The following KCNMA1 variants were observed in gnomAD, a reference collection of about 807,000 sequenced individuals.
The protein encoded by KCNMA1 is potassium calcium-activated channel subfamily M alpha 1.
In KCNMA1, 29 loss-of-function variants were observed where a neutral mutation model predicts 140.0. That is an observed-to-expected ratio of 0.21 (90% CI 0.15 to 0.28). The LOEUF is 0.28. Among genes scored for constraint, KCNMA1 ranks in the 10% least tolerant of loss-of-function variants. KCNMA1 has a pLI of 1.00. For synonymous variants in KCNMA1, 612 were observed against 611.9 expected, an observed-to-expected ratio of 1.00 and a Z score of 0.00; for missense variants, 880 against 1,602.2, an observed-to-expected ratio of 0.55 and a Z score of 7.70.
chr10:77,474,540 C>T (rs1342220566), intron 1 of KCNMA1, among the ~76,000 whole-genome samples: 2 of 152,128 alleles, frequency 1.3e-5, no homozygotes, highest in South Asian at 2.1e-4. Flanking sequence ...AGGTAACTGT[C>T]GGTTGTGTGA....
chr10:77,448,051 AT>A (rs1444250640), intron 1 of KCNMA1, among the ~76,000 whole-genome samples: 1 of 152,154 alleles, frequency 6.6e-6, no homozygotes, highest in Non-Finnish European at 1.5e-5. Context: ...CCAAGCTGGG[AT>A]TTCTCTCAAC....
chr10:76,958,805 GA>G (rs2069552718), intron 20 of KCNMA1, among the ~76,000 whole-genome samples: 1 of 152,160 alleles, frequency 6.6e-6, no homozygotes, highest in Non-Finnish European at 1.5e-5. Flanking sequence ...CTAGCCACCA[GA>G]ACTGTGAGAA....
intron 24 of KCNMA1, chr10:76,912,784 G>A (rs1257172866): frequency 1.3e-5 from 2 of 152,300 alleles, no homozygotes; most frequent in Non-Finnish European, 1.5e-5. Flanking sequence ...TGCTGCTGTA[G>A]GTTTGTGAGA....
At chr10:77,188,703 C>G (rs899687220) in intron 3 of KCNMA1, among the ~76,000 whole-genome samples, 5 of 152,210 alleles carry the variant, frequency 3.3e-5, no homozygotes, top group African/African-American at 1.2e-4. Context: ...AAATGTTTCT[C>G]TTTCCTCATC....
At chr10:77,217,487 C>A (rs1465465388) in intron 3 of KCNMA1, 3 of 456,632 alleles carry the variant, frequency 6.6e-6, no homozygotes, top group South Asian at 3.1e-5. Context: ...CAGTACATTT[C>A]TGGAGAATAT....
chr10:77,571,904 C>A (rs1342864232), intron 1 of KCNMA1, among the ~76,000 whole-genome samples: 1 of 152,160 alleles, frequency 6.6e-6, no homozygotes, highest in Non-Finnish European at 1.5e-5. Flanking sequence ...GCTTTCAAAA[C>A]TTTGAAATGT....
chr10:77,598,640 T>C (rs2081638853), intron 1 of KCNMA1, among the ~76,000 whole-genome samples: 1 of 152,194 alleles, frequency 6.6e-6, no homozygotes, highest in Non-Finnish European at 1.5e-5. Flanking sequence ...AAAGCAAAGA[T>C]GTAAGTCAGA....
intron 1 of KCNMA1, among the ~76,000 whole-genome samples, chr10:77,623,918 T>C (rs2092019113): frequency 6.6e-6 from 1 of 152,198 alleles, no homozygotes; most frequent in Admixed American, 6.5e-5. Context: ...ATTTAATGCA[T>C]GGCTCCGGTA....
At chr10:77,223,245 G>T (rs1243893077) in intron 3 of KCNMA1, among the ~76,000 whole-genome samples, 3 of 148,730 alleles carry the variant, frequency 2.0e-5, no homozygotes, top group African/African-American at 4.9e-5. Flanking sequence ...AAAAAAAAAA[G>T]AATTTTAATT....
intron 2 of KCNMA1, among the ~76,000 whole-genome samples, chr10:77,265,923 A>G (rs2063302004): frequency 6.6e-6 from 1 of 152,142 alleles, no homozygotes; most frequent in African/African-American, 2.4e-5. Context: ...TCTATAAAAA[A>G]TACAAAAATT....
chr10:76,985,309 T>C (rs2080953374), intron 19 of KCNMA1, among the ~76,000 whole-genome samples: 1 of 152,216 alleles, frequency 6.6e-6, no homozygotes. Context: ...CAACGTGTTA[T>C]TAAAAGCCAC....
At chr10:77,312,278 A>G (rs1408983146) in intron 2 of KCNMA1, among the ~76,000 whole-genome samples, 1 of 152,242 alleles carries the variant, frequency 6.6e-6, no homozygotes, top group Non-Finnish European at 1.5e-5. Context: ...AAGTGGAAAG[A>G]GGAGTGTAGC....
chr10:77,133,324 A>G (rs895735692), intron 5 of KCNMA1, among the ~76,000 whole-genome samples: 1 of 151,966 alleles, frequency 6.6e-6, no homozygotes, highest in East Asian at 1.9e-4. Context: ...TCACCTATGG[A>G]AAGACAGAGA....
chr10:77,580,065 A>G (rs1020579950), intron 1 of KCNMA1, among the ~76,000 whole-genome samples: 3 of 152,196 alleles, frequency 2.0e-5, no homozygotes, highest in African/African-American at 4.8e-5. Flanking sequence ...TTCAATGTCT[A>G]CAATAAGATT....
intron 1 of KCNMA1, among the ~76,000 whole-genome samples, chr10:77,441,184 G>A (rs1204110345): frequency 6.6e-6 from 1 of 152,152 alleles, no homozygotes; most frequent in Non-Finnish European, 1.5e-5. Flanking sequence ...CTGAACGACT[G>A]AAGATGGCTC....
chr10:76,894,121 G>T (rs1184455266), intron 25 of KCNMA1, among the ~76,000 whole-genome samples: 1 of 152,168 alleles, frequency 6.6e-6, no homozygotes, highest in Non-Finnish European at 1.5e-5. Context: ...AATGGCATAG[G>T]ATAGACCTAT....
At chr10:77,159,608 C>G (rs1334465964) in intron 5 of KCNMA1, among the ~76,000 whole-genome samples, 1 of 152,140 alleles carries the variant, frequency 6.6e-6, no homozygotes, top group Non-Finnish European at 1.5e-5. Flanking sequence ...TGCTTTTCCC[C>G]TAATTTTCAG....
chr10:77,637,790 T>A lies in KCNMA1; in HGVS notation c.-148A>T. The A allele has an allele frequency of 7.9e-7, 1 of 1,262,054 alleles. No individual in the cohort carries two copies. Among genetic ancestry groups the A allele is most frequent in the Non-Finnish European group, 9.9e-7 (1 of 1,006,996 alleles). The allele number at this position is 1,262,054 out of a possible 1,614,324, so 78.2% of individuals were successfully genotyped here. A position where few individuals can be genotyped will look rare whatever the true frequency, so the allele number is the denominator to read the frequency against. On this transcript the variant is annotated 5_prime_UTR_variant, in exon 1 of 28. Coordinates refer to ENST00000286628, the MANE Select transcript of KCNMA1 (RefSeq NM_001161352.2). ...CGCGGGAGGGGGGCGGGGAGGCGCC[T>A]GGGCTCGGGGCGCTGTGCGCGACCT... is the stretch of plus-strand genomic sequence containing the variant.
At chr10:77,231,967 A>T (rs979462490) in intron 3 of KCNMA1, among the ~76,000 whole-genome samples, 2 of 152,222 alleles carry the variant, frequency 1.3e-5, no homozygotes, top group African/African-American at 4.8e-5. Context: ...GCAAGGAGTC[A>T]GTAATCTATT....
Sources: allele counts gnomAD v4.1 joint callset (sites outside exome capture counted in the v4.1 genomes callset), GRCh38; gene constraint gnomAD v4.1.1; transcripts MANE v1.5; gene names NCBI Gene and HGNC (gene_info 2026-07-23, HGNC 2026-07-21).